The following TAS2R1 variants were observed in gnomAD, a reference collection of about 807,000 sequenced individuals.
TAS2R1 encodes taste receptor type 2 member 1.
For synonymous variants in TAS2R1, 141 were observed against 134.2 expected, an observed-to-expected ratio of 1.05 and a Z score of -0.35; for missense variants, 370 against 353.4, an observed-to-expected ratio of 1.05 and a Z score of -0.38.
the TAS2R1 span, among the ~76,000 whole-genome samples, chr5:9,861,740 A>G: frequency 6.6e-6 from 1 of 152,218 alleles, no homozygotes; most frequent in Non-Finnish European, 1.5e-5. Context: ...ACCCTCTCGC[A>G]GGACTTCTTT....
At chr5:9,787,015 C>G in the TAS2R1 span, among the ~76,000 whole-genome samples, 1 of 152,218 alleles carries the variant, frequency 6.6e-6, no homozygotes, top group Non-Finnish European at 1.5e-5. Context: ...TTGGACAGAA[C>G]TTCAGTGGAC....
At chr5:9,737,794 C>G in the TAS2R1 span, among the ~76,000 whole-genome samples, 2 of 152,204 alleles carry the variant, frequency 1.3e-5, no homozygotes, top group Admixed American at 1.3e-4. Flanking sequence ...CCTTTTAATA[C>G]ACAAGTCAAA....
the TAS2R1 span, among the ~76,000 whole-genome samples, chr5:9,733,940 T>G: frequency 6.6e-6 from 1 of 152,212 alleles, no homozygotes; most frequent in Admixed American, 6.5e-5. Context: ...TTCCAAGCTT[T>G]GTCTACCACT....
At chr5:9,718,094 G>A in the TAS2R1 span, among the ~76,000 whole-genome samples, 1 of 151,868 alleles carries the variant, frequency 6.6e-6, no homozygotes, top group Non-Finnish European at 1.5e-5. Flanking sequence ...TGAGTAGCTG[G>A]GACCACAGGC....
chr5:9,741,061 T>C, the TAS2R1 span, among the ~76,000 whole-genome samples: 1 of 152,192 alleles, frequency 6.6e-6, no homozygotes, highest in African/African-American at 2.4e-5. Flanking sequence ...GAATTAGGTA[T>C]TTCTCTCTTC....
exon 2 of TAS2R1, chr5:9,659,449 T>G (rs1740483618): frequency 6.6e-6 from 1 of 152,040 alleles, no homozygotes; most frequent in African/African-American, 2.4e-5. Context: ...TCCGCTCAGC[T>G]TAGAAGCTCT....
chr5:9,856,413 T>C, the TAS2R1 span, among the ~76,000 whole-genome samples: 1 of 152,196 alleles, frequency 6.6e-6, no homozygotes, highest in Non-Finnish European at 1.5e-5. Context: ...AATGAACTCA[T>C]GGTTATAGTG....
At chr5:9,652,767 T>C (rs531133365) in intron 2 of TAS2R1, among the ~76,000 whole-genome samples, 2 of 152,338 alleles carry the variant, frequency 1.3e-5, no homozygotes, top group African/African-American at 4.8e-5. Context: ...TATAAACATA[T>C]GTATGGTATC....
At position 9,638,118 on chromosome 5, in the gene TAS2R1, C is replaced by T. The variant is rs142889766; in HGVS notation, c.-80-8126G>A. Among the ~76,000 whole-genome samples the T allele has an allele frequency of 5.6e-3, 853 of 152,296 alleles. 3 individuals are homozygous for T. The highest frequency in any genetic ancestry group is 0.018 in the East Asian group (92 of 5,172). On this transcript the variant is annotated intron_variant, in intron 2 of 2. Coordinates refer to the TAS2R1 transcript ENST00000506620. ...ATTCTCTTGTCCCATGGGGTGATCC[C>T]TCAATGTGGTGCTCTCTTTCTTTCC...
At chr5:9,687,586 C>G (rs976440693) in intron 1 of TAS2R1, among the ~76,000 whole-genome samples, 1 of 152,112 alleles carries the variant, frequency 6.6e-6, no homozygotes, top group Non-Finnish European at 1.5e-5. Flanking sequence ...GTCCAGATCC[C>G]CCGAAGAAGA....
chr5:9,634,387 T>C (rs1739929478), upstream of TAS2R1, among the ~76,000 whole-genome samples: 1 of 151,866 alleles, frequency 6.6e-6, no homozygotes, highest in Non-Finnish European at 1.5e-5. Context: ...TGCTTCCAGG[T>C]TTTTTATTGT....
the TAS2R1 span, among the ~76,000 whole-genome samples, chr5:9,839,287 G>A: frequency 2.0e-5 from 3 of 152,154 alleles, no homozygotes; most frequent in Non-Finnish European, 4.4e-5. Flanking sequence ...GGAACTCTCA[G>A]GTTTCCGACA....
At chr5:9,727,259 C>T in the TAS2R1 span, among the ~76,000 whole-genome samples, 3 of 152,176 alleles carry the variant, frequency 2.0e-5, no homozygotes, top group South Asian at 6.2e-4. Context: ...CTTTGTTCCT[C>T]AGATCTTAGT....
the TAS2R1 span, among the ~76,000 whole-genome samples, chr5:9,746,753 C>G: frequency 2.6e-5 from 4 of 152,174 alleles, no homozygotes; most frequent in South Asian, 4.2e-4. Context: ...ACATCACATA[C>G]GAAGGCCCAT....
At chr5:9,847,070 A>G in the TAS2R1 span, among the ~76,000 whole-genome samples, 16 of 152,310 alleles carry the variant, frequency 1.1e-4, no homozygotes, top group African/African-American at 3.8e-4. Context: ...ACCCTCTAGC[A>G]AGTCCCATAT....
chr5:9,725,902 T>C, the TAS2R1 span, among the ~76,000 whole-genome samples: 4 of 152,258 alleles, frequency 2.6e-5, no homozygotes, highest in African/African-American at 9.6e-5. Context: ...GTGGACACTC[T>C]GTATCTAGCT....
chr5:9,803,299 A>G, the TAS2R1 span, among the ~76,000 whole-genome samples: 5,374 of 152,312 alleles, frequency 0.035, 139 homozygotes, highest in Non-Finnish European at 0.057. Context: ...AGATAAATCT[A>G]AAAGTTTGGA....
chr5:9,827,583 C>A, the TAS2R1 span, among the ~76,000 whole-genome samples: 1 of 138,960 alleles, frequency 7.2e-6, no homozygotes, highest in African/African-American at 2.8e-5. Flanking sequence ...CACACACACC[C>A]GGGTGTGGTG....
chr5:9,749,775 CA>C, the TAS2R1 span, among the ~76,000 whole-genome samples: 1 of 152,204 alleles, frequency 6.6e-6, no homozygotes, highest in Admixed American at 6.5e-5. Flanking sequence ...ATTAACACAA[CA>C]AAACTGATTT....
Sources: allele counts gnomAD v4.1 joint callset (sites outside exome capture counted in the v4.1 genomes callset), GRCh38; gene constraint gnomAD v4.1.1; transcripts MANE v1.5; gene names NCBI Gene and HGNC (gene_info 2026-07-23, HGNC 2026-07-21).